CADPS2: variants seen among roughly 807,000 people sequenced by gnomAD.
CADPS2 encodes calcium-dependent secretion activator 2.
CADPS2 carries 93 observed loss-of-function variants against 172.5 expected under a neutral mutation model. The ratio of observed to expected loss-of-function variants is 0.54; its 90% confidence interval spans 0.46 to 0.64. CADPS2 has a LOEUF of 0.64. Ranked by LOEUF, CADPS2 falls within the 30% of genes least tolerant of loss-of-function variation. CADPS2 has a pLI of 0.00. For missense variants in CADPS2, 1,420 were observed against 1,565.9 expected (o/e 0.91, Z 1.57); for synonymous variants, 546 against 555.2 (o/e 0.98, Z 0.23).
intron 4 of CADPS2, 70 bp from the exon 5 acceptor site, chr7:122,621,787 G>GAT: frequency 1.2e-6 from 1 of 842,806 alleles, no homozygotes; most frequent in Non-Finnish European, 1.8e-6. Flanking sequence ...AAAATTGTAT[G>GAT]ATATATATAC....
At chr7:122,364,273 G>T (rs73216104) in intron 25 of CADPS2, among the ~76,000 whole-genome samples, 3 of 151,734 alleles carry the variant, frequency 2.0e-5, no homozygotes, top group South Asian at 4.2e-4. Context: ...AAATTGGCTG[G>T]GCATGGTGGC....
At chr7:122,812,569 T>C (rs1476684014) in intron 1 of CADPS2, among the ~76,000 whole-genome samples, 1 of 152,124 alleles carries the variant, frequency 6.6e-6, no homozygotes, top group Admixed American at 6.5e-5. Flanking sequence ...TGAATTTTAT[T>C]TTCAAAAATA....
chr7:122,619,520 A>G (rs1337845312), intron 5 of CADPS2, among the ~76,000 whole-genome samples: 1 of 152,000 alleles, frequency 6.6e-6, no homozygotes, highest in Non-Finnish European at 1.5e-5. Context: ...CCATCTACTC[A>G]GGAGGCTGAA....
chr7:122,862,715 C>T (rs1333323234), intron 1 of CADPS2, among the ~76,000 whole-genome samples: 2 of 151,830 alleles, frequency 1.3e-5, no homozygotes, highest in African/African-American at 2.4e-5. Flanking sequence ...GATCAATAAG[C>T]TCCATTTTGT....
At chr7:122,603,148 A>C (rs2133541707) in intron 6 of CADPS2, among the ~76,000 whole-genome samples, 1 of 152,252 alleles carries the variant, frequency 6.6e-6, no homozygotes, top group Admixed American at 6.5e-5. Context: ...CATAACTGAC[A>C]ATTAGGCATT....
intron 2 of CADPS2, among the ~76,000 whole-genome samples, chr7:122,696,871 T>G (rs963094377): frequency 3.9e-5 from 6 of 152,194 alleles, no homozygotes; most frequent in Admixed American, 2.0e-4. Flanking sequence ...ATTCATTCAT[T>G]CAAAAATACT....
chr7:122,648,552 C>T (rs1353687431), intron 3 of CADPS2, among the ~76,000 whole-genome samples: 1 of 151,884 alleles, frequency 6.6e-6, no homozygotes, highest in Admixed American at 6.6e-5. Flanking sequence ...CCGAGTAGAA[C>T]GGGCACTGTG....
intron 1 of CADPS2, among the ~76,000 whole-genome samples, chr7:122,878,024 C>A (rs1423938779): frequency 2.3e-5 from 1 of 43,454 alleles, no homozygotes; most frequent in Admixed American, 1.5e-4. Context: ...TTTGGGAGGC[C>A]GAGGCGGTGG....
chr7:122,698,483 C>T, intron 2 of CADPS2: 1 of 1,613,830 alleles, frequency 6.2e-7, no homozygotes. Context: ...TCTTCAAATG[C>T]CTGATGAAAC....
intron 5 of CADPS2, among the ~76,000 whole-genome samples, chr7:122,618,188 T>C (rs1563870257): frequency 6.6e-6 from 1 of 152,214 alleles, no homozygotes; most frequent in Non-Finnish European, 1.5e-5. Context: ...GCTCATCTCT[T>C]GCTTTAATAT....
chr7:122,817,629 CCTG>C (rs1801863509), intron 1 of CADPS2, among the ~76,000 whole-genome samples: 1 of 152,030 alleles, frequency 6.6e-6, no homozygotes, highest in Non-Finnish European at 1.5e-5. Context: ...AGTGGCAAGT[CCTG>C]CTTTTCTGGG....
At chr7:122,569,675 A>G (rs539230254) in intron 7 of CADPS2, among the ~76,000 whole-genome samples, 1 of 144,090 alleles carries the variant, frequency 6.9e-6, no homozygotes, top group Non-Finnish European at 1.5e-5. Context: ...TACTGGTACC[A>G]AAACAGAGAT....
rs796835840 is a variant in CADPS2 at position 122,339,234 on chromosome 7, T to A, written c.3612+6340A>T. Among the ~76,000 whole-genome samples, 3 of 152,190 alleles carry A rather than the reference T, an allele frequency of 2.0e-5. No individual in the cohort carries two copies. In the South Asian group the frequency reaches 6.2e-4, roughly 31 times the overall value. ...AAGTACATTATCAGCTCTAAATACA[T>A]ACAAAGAAGTGTATTGTGAAAGTTC... On this transcript the variant is annotated intron_variant, in intron 28 of 29. Coordinates refer to ENST00000449022, the MANE Select transcript of CADPS2 (RefSeq NM_017954.11).
At chr7:122,770,292 G>C (rs993522140) in intron 1 of CADPS2, among the ~76,000 whole-genome samples, 1 of 152,090 alleles carries the variant, frequency 6.6e-6, no homozygotes, top group African/African-American at 2.4e-5. Flanking sequence ...ATTGTAGTAA[G>C]TAGGAAGGGA....
chr7:122,383,848 C>G (rs935123912), intron 24 of CADPS2, among the ~76,000 whole-genome samples: 1 of 152,084 alleles, frequency 6.6e-6, no homozygotes, highest in African/African-American at 2.4e-5. Flanking sequence ...ATTGTTAGTT[C>G]CAGAAATGGA....
rs143675207 is a variant in CADPS2 at position 122,770,746 on chromosome 7, G to T, written c.340-33678C>A. ...AAAGGTGCCTGCATTATAGATGGCG[G>T]CACCCACAGGGCAGATGTGGACAGC... On this transcript the variant is annotated intron_variant, in intron 1 of 29. Coordinates refer to ENST00000449022, the MANE Select transcript of CADPS2 (RefSeq NM_017954.11). 2.8e-3 allele frequency among the ~76,000 whole-genome samples: 421 copies of T among 152,294 alleles called. 2 individuals are homozygous for T. The highest frequency in any genetic ancestry group is 9.5e-3 in the African/African-American group (393 of 41,570).
At chr7:122,738,961 G>T (rs999988499) in intron 1 of CADPS2, among the ~76,000 whole-genome samples, 23 of 151,910 alleles carry the variant, frequency 1.5e-4, no homozygotes, top group Non-Finnish European at 2.9e-5. Context: ...ACCAAGCTGA[G>T]GTGCAGGAAC....
chr7:122,692,182 AG>A (rs1218930626), intron 2 of CADPS2, among the ~76,000 whole-genome samples: 22 of 152,256 alleles, frequency 1.4e-4, no homozygotes, highest in African/African-American at 5.1e-4. Flanking sequence ...ACTTGCACTA[AG>A]TCTGTACATG....
Position 122,767,085 on chromosome 7 carries a change from G to A in CADPS2, c.340-30017C>T, listed in dbSNP as rs925540849. On this transcript the variant is annotated intron_variant, in intron 1 of 29. Coordinates refer to ENST00000449022, the MANE Select transcript of CADPS2 (RefSeq NM_017954.11). The stretch of plus-strand genomic sequence containing the variant: ...AGTTGAGAGACAGTTGCCTTCCAAA[G>A]CAGGTTTTAGTGCAATTAAATAGAT... Among the ~76,000 whole-genome samples, 3 of 152,090 alleles carry A rather than the reference G, an allele frequency of 2.0e-5. No homozygotes were observed. In the South Asian group the frequency reaches 6.2e-4, roughly 32 times the overall value.
Sources: allele counts gnomAD v4.1 joint callset (sites outside exome capture counted in the v4.1 genomes callset), GRCh38; gene constraint gnomAD v4.1.1; transcripts MANE v1.5; gene names NCBI Gene and HGNC (gene_info 2026-07-23, HGNC 2026-07-21).